Variants in GMDS observed in about 807,000 individuals in gnomAD.
The protein encoded by GMDS is GDP-mannose 4,6-dehydratase.
In GMDS, 20 loss-of-function variants were observed where a neutral mutation model predicts 49.9. The ratio of observed to expected loss-of-function variants is 0.40; its 90% CI spans 0.28 to 0.58. GMDS has a LOEUF of 0.58. Among genes scored for constraint, GMDS ranks in the 20% least tolerant of loss-of-function variants. The probability of loss-of-function intolerance (pLI) is 0.42; values close to 1 mark genes in which losing one functional copy is unlikely to be tolerated. For synonymous variants in GMDS, 177 were observed against 178.6 expected, an observed-to-expected ratio of 0.99 and a Z score of 0.07; for missense variants, 362 against 481.4, an observed-to-expected ratio of 0.75 and a Z score of 2.32.
intron 7 of GMDS, among the ~76,000 whole-genome samples, chr6:1,753,674 CA>C (rs756773861): frequency 1.3e-5 from 2 of 151,772 alleles, no homozygotes; most frequent in Non-Finnish European, 3.0e-5. Context: ...GCATGGAAAT[CA>C]TAACAGTCTC....
At chr6:2,056,749 C>T (rs1235480323) in intron 4 of GMDS, among the ~76,000 whole-genome samples, 1 of 152,172 alleles carries the variant, frequency 6.6e-6, no homozygotes, top group Non-Finnish European at 1.5e-5. Flanking sequence ...TCAATCTTAA[C>T]CAACCAATCT....
At chr6:1,697,392 C>T (rs577321043) in intron 9 of GMDS, among the ~76,000 whole-genome samples, 2 of 152,232 alleles carry the variant, frequency 1.3e-5, no homozygotes, top group Non-Finnish European at 2.9e-5. Context: ...TTCTCATTTT[C>T]AGCAAGAATA....
At position 1,644,949 on chromosome 6, in the gene GMDS, TA is replaced by T. The variant is rs1253183406; in HGVS notation, c.988-20410del. On this transcript the variant is annotated intron_variant, in intron 9 of 10. Transcript: ENST00000380815. ...CTGGTCCTTTTTTTTTTTTTTTTTT[TA>T]AACGAGACGGAGTCTTGCTTTGTCG... 2.8e-5 allele frequency among the ~76,000 whole-genome samples: 4 copies of T among 142,634 alleles called. No homozygotes were observed. In the East Asian group the frequency reaches 6.0e-4, roughly 21 times the overall value. The allele number at this position is 142,634 out of a possible 152,430, so 93.6% of individuals were successfully genotyped here. A position where few individuals can be genotyped will look rare whatever the true frequency, so the allele number is the denominator to read the frequency against.
In GMDS at chr6:1,960,955, G is replaced by A. The variant is rs764074295; in HGVS notation, c.357C>T (p.Asp119=). 6 of 1,529,788 alleles carry A rather than the reference G, an allele frequency of 3.9e-6. No homozygotes were observed. The highest frequency in any genetic ancestry group is 5.4e-6 in the Non-Finnish European group (6 of 1,120,500). 94.8% of individuals were successfully genotyped at this position (1,529,788 alleles called of 1,614,324 possible). Residue 119 remains aspartate, a synonymous_variant, in exon 5 of 11, where the codon GAC becomes GAT. Coordinates refer to ENST00000380815, the MANE Select transcript of GMDS (RefSeq NM_001500.4). The part of the protein sequence containing the change: ...GAQSHVKISF[D]LAEYTADVDG... ...CAACGTCCGCAGTGTACTCAGCGAG[G>A]TCAAAGGAAATCTGGAAAAAGCAGG...
rs1367563665 is a variant in GMDS at position 2,215,836 on chromosome 6, T to C, written c.102+29485A>G. ...CTGAACATTGATAGACATCTAATTG[T>C]GTTAACAAACTATTATTAACTTAGT... is the stretch of plus-strand genomic sequence containing the variant. On this transcript the variant is annotated intron_variant, in intron 1 of 10. Coordinates refer to ENST00000380815, the MANE Select transcript of GMDS (RefSeq NM_001500.4). 2.0e-5 allele frequency among the ~76,000 whole-genome samples: 3 copies of C among 152,228 alleles called. No homozygotes were observed. The East Asian group carries it at 5.8e-4, about 29-fold the overall frequency.
intron 1 of GMDS, among the ~76,000 whole-genome samples, chr6:2,154,862 G>GAAAAA (rs1562103386): frequency 0.026 from 870 of 33,768 alleles, 117 homozygotes; most frequent in African/African-American, 0.063. Context: ...TTGAAGAGAT[G>GAAAAA]CAAAAAAAAA....
intron 4 of GMDS, among the ~76,000 whole-genome samples, chr6:2,077,273 T>C (rs1222840719): frequency 6.6e-6 from 1 of 152,166 alleles, no homozygotes; most frequent in Non-Finnish European, 1.5e-5. Flanking sequence ...TAAATGCATT[T>C]TATTTTTTAA....
At chr6:2,189,664 G>T (rs957341629) in intron 1 of GMDS, among the ~76,000 whole-genome samples, 12 of 152,206 alleles carry the variant, frequency 7.9e-5, no homozygotes, top group African/African-American at 2.7e-4. Flanking sequence ...TTTTCTGGGG[G>T]AAGGGACATT....
intron 7 of GMDS, among the ~76,000 whole-genome samples, chr6:1,886,484 T>A (rs1018353057): frequency 5.3e-5 from 8 of 152,194 alleles, no homozygotes; most frequent in Non-Finnish European, 1.0e-4. Flanking sequence ...AGTTACTTTA[T>A]TAGCAGCATT....
intron 1 of GMDS, among the ~76,000 whole-genome samples, chr6:2,197,865 A>AT (rs1779342256): frequency 1.3e-5 from 2 of 152,164 alleles, no homozygotes; most frequent in South Asian, 2.1e-4. Flanking sequence ...TAAAAGGCAG[A>AT]TTTTACTTTC....
At chr6:1,842,765 T>C (rs1226264237) in intron 7 of GMDS, among the ~76,000 whole-genome samples, 1 of 152,220 alleles carries the variant, frequency 6.6e-6, no homozygotes, top group East Asian at 1.9e-4. Flanking sequence ...CTGCCTAGTA[T>C]TTCTTGCTTT....
chr6:1,638,885 T>C lies in GMDS; in HGVS notation c.988-14345A>G, dbSNP rs1763244923. Among the ~76,000 whole-genome samples the C allele has an allele frequency of 4.6e-5, 7 of 152,142 alleles. No individual in the cohort carries two copies. The South Asian group carries it at 1.2e-3, about 27-fold the overall frequency. On this transcript the variant is annotated intron_variant, in intron 9 of 10. Coordinates refer to ENST00000380815, the MANE Select transcript of GMDS (RefSeq NM_001500.4). ...TGAGTAGAGTGAGTCTGGAGGTACA[T>C]AAAGACTTTATCTACAACTACTTAG...
chr6:2,040,177 C>T (rs1388051574), intron 4 of GMDS, among the ~76,000 whole-genome samples: 2 of 152,320 alleles, frequency 1.3e-5, no homozygotes, highest in East Asian at 3.9e-4. Context: ...CACACCAGAC[C>T]ACCCTTGTAC....
intron 1 of GMDS, among the ~76,000 whole-genome samples, chr6:2,221,789 A>C (rs1780604466): frequency 2.0e-5 from 3 of 152,206 alleles, no homozygotes; most frequent in Admixed American, 2.0e-4. Flanking sequence ...CCAAGCAAAA[A>C]GAAAACAAAC....
chr6:1,687,902 A>C (rs1765037948), intron 9 of GMDS, among the ~76,000 whole-genome samples: 1 of 152,084 alleles, frequency 6.6e-6, no homozygotes, highest in South Asian at 2.1e-4. Flanking sequence ...AGAACACTGT[A>C]AGCTGCGGGA....
At chr6:1,988,459 T>C (rs547270700) in intron 4 of GMDS, among the ~76,000 whole-genome samples, 3 of 152,250 alleles carry the variant, frequency 2.0e-5, no homozygotes, top group African/African-American at 7.2e-5. Flanking sequence ...GAGCTCCTTC[T>C]TGGCGGTGGG....
intron 7 of GMDS, among the ~76,000 whole-genome samples, chr6:1,868,864 T>C (rs1758574297): frequency 6.6e-6 from 1 of 152,220 alleles, no homozygotes; most frequent in Admixed American, 6.5e-5. Context: ...AATCAGAAAA[T>C]TATGAATATG....
chr6:2,196,040 T>A lies in GMDS; in HGVS notation c.102+49281A>T, dbSNP rs533104128. Among the ~76,000 whole-genome samples, 81 of 152,202 alleles carry A rather than the reference T, an allele frequency of 5.3e-4. No homozygotes were observed. The South Asian group carries it at 6.8e-3, about 13-fold the overall frequency. On this transcript the variant is annotated intron_variant, in intron 1 of 10. Transcript: ENST00000380815. ...AGCCAAAACACAAATAATGTCTAAG[T>A]TTTTATTTTATTAAGCAAAACATAA... is the stretch of plus-strand genomic sequence containing the variant.
intron 1 of GMDS, among the ~76,000 whole-genome samples, chr6:2,138,495 T>C (rs1258314888): frequency 6.6e-6 from 1 of 152,204 alleles, no homozygotes; most frequent in Non-Finnish European, 1.5e-5. Flanking sequence ...TTAAACTTAA[T>C]GAACATTTGA....
Sources: allele counts gnomAD v4.1 joint callset (sites outside exome capture counted in the v4.1 genomes callset), GRCh38; gene constraint gnomAD v4.1.1; transcripts MANE v1.5; gene names NCBI Gene and HGNC (gene_info 2026-07-23, HGNC 2026-07-21).